The following BCAS3 variants were observed in gnomAD, a reference collection of about 807,000 sequenced individuals.
BCAS3 encodes BCAS4/BCAS3 fusion.
A neutral mutation model predicts 116.1 loss-of-function variants in BCAS3; 53 were observed. The ratio of observed to expected loss-of-function variants is 0.46; its 90% CI spans 0.37 to 0.57. The LOEUF is 0.57. Among genes scored for constraint, BCAS3 ranks in the 20% least tolerant of loss-of-function variants. The pLI is 0.00. For synonymous variants in BCAS3, 391 were observed against 408.2 expected, an observed-to-expected ratio of 0.96 and a Z score of 0.51; for missense variants, 917 against 1,165.4, an observed-to-expected ratio of 0.79 and a Z score of 3.10.
At chr17:60,710,508 T>C (rs963850479) in intron 5 of BCAS3, among the ~76,000 whole-genome samples, 1 of 150,948 alleles carries the variant, frequency 6.6e-6, no homozygotes, top group African/African-American at 2.4e-5. Flanking sequence ...CTCGGCTCAC[T>C]GCAAGCTCTG....
intron 10 of BCAS3, among the ~76,000 whole-genome samples, chr17:60,898,781 G>A (rs1386697080): frequency 6.6e-6 from 1 of 152,168 alleles, no homozygotes; most frequent in Non-Finnish European, 1.5e-5. Context: ...GGTGATAACG[G>A]TAGCAGTGGC....
Position 61,355,717 on chromosome 17 carries a change from G to A in BCAS3, c.2426-12610G>A, listed in dbSNP as rs1467207531. On this transcript the variant is annotated intron_variant, in intron 22 of 23. Coordinates refer to ENST00000407086, the MANE Select transcript of BCAS3 (RefSeq NM_017679.5). The surrounding 1 kb of genome is among the most constrained non-coding windows in gnomAD (Gnocchi z 4.2). The stretch of plus-strand genomic sequence containing the variant: ...AAGTAGCTATGCCTGATGCAAAGTG[G>A]ACACCCGACAAATGTTAGTTATCTT... Among the ~76,000 whole-genome samples the A allele has an allele frequency of 6.6e-6, 1 of 152,194 alleles. No homozygotes were observed. Among genetic ancestry groups the A allele is most frequent in the Non-Finnish European group, 1.5e-5 (1 of 68,034 alleles).
chr17:61,388,807 CCA>C lies in BCAS3; in HGVS notation c.2594-3162_2594-3161del. 8.9e-7 allele frequency: 1 copy of C among 1,122,170 alleles called. No homozygotes were observed. Among genetic ancestry groups the C allele is most frequent in the East Asian group, 2.6e-5 (1 of 38,556 alleles). The allele number at this position is 1,122,170 out of a possible 1,614,324, so 69.5% of individuals were successfully genotyped here. Reference sequence around the variant, plus strand: ...GAGCAGCCCTCCTCCCCTCCACTTCCCACACACACCCCTGCCTGCAGGGGGAG... The same window carrying C: ...GAGCAGCCCTCCTCCCCTCCACTTCCCACACACCCCTGCCTGCAGGGGGAG... On this transcript the variant is annotated intron_variant, in intron 23 of 23. Transcript: ENST00000407086. The surrounding 1 kb of genome is among the most constrained non-coding windows in gnomAD (Gnocchi z 6.5).
At position 61,186,320 on chromosome 17, in the gene BCAS3, C is replaced by T. The variant is rs1334556871; in HGVS notation, c.2425+101756C>T. On this transcript the variant is annotated intron_variant, in intron 22 of 23. Coordinates refer to ENST00000407086, the MANE Select transcript of BCAS3 (RefSeq NM_017679.5). The surrounding 1 kb of genome is among the most constrained non-coding windows in gnomAD (Gnocchi z 4.9). Reference sequence around the variant, plus strand: ...CTTTATTACAGTTAGTTATCCATCCCTATATCTTAGCTGTTTTCACTAGTA... The same window carrying T: ...CTTTATTACAGTTAGTTATCCATCCTTATATCTTAGCTGTTTTCACTAGTA... 2.0e-5 allele frequency among the ~76,000 whole-genome samples: 3 copies of T among 152,136 alleles called. No homozygotes were observed. The highest frequency in any genetic ancestry group is 7.2e-5 in the African/African-American group (3 of 41,440).
chr17:61,074,731 A>AT, intron 19 of BCAS3, among the ~76,000 whole-genome samples, 189 bp from the exon 20 acceptor site: 1 of 152,156 alleles, frequency 6.6e-6, no homozygotes, highest in Admixed American at 6.6e-5. Context: ...TTCTGTAGAT[A>AT]TTTTTTAAAG....
chr17:61,095,353 A>G lies in BCAS3; in HGVS notation c.2425+10789A>G, dbSNP rs2073899770. ...TATATAGAATGTAATTGATATTTCTACATAGAGGCTTTATCATTGTTTTTA... is the reference window on the plus strand; with the variant it reads ...TATATAGAATGTAATTGATATTTCTGCATAGAGGCTTTATCATTGTTTTTA... On this transcript the variant is annotated intron_variant, in intron 22 of 23. Transcript: ENST00000407086. This position sits in a 1 kb window ranked among gnomAD's most constrained non-coding sequence, Gnocchi z 4.7. Among the ~76,000 whole-genome samples the G allele has an allele frequency of 6.6e-6, 1 of 152,236 alleles. No individual in the cohort carries two copies. Among genetic ancestry groups the G allele is most frequent in the African/African-American group, 2.4e-5 (1 of 41,458 alleles).
intron 22 of BCAS3, among the ~76,000 whole-genome samples, chr17:61,110,554 C>T (rs1268600883): frequency 6.6e-6 from 1 of 152,240 alleles, no homozygotes; most frequent in Non-Finnish European, 1.5e-5. Context: ...AAACGGCGCA[C>T]CACGAGATTA....
At chr17:61,117,103 C>A (rs566871300) in intron 22 of BCAS3, among the ~76,000 whole-genome samples, 6 of 152,262 alleles carry the variant, frequency 3.9e-5, no homozygotes, top group South Asian at 2.1e-4. Context: ...TTTCTCCACT[C>A]CTTTCGGGCT....
intron 15 of BCAS3, among the ~76,000 whole-genome samples, chr17:61,009,980 T>G (rs1011061870): frequency 3.3e-5 from 5 of 152,080 alleles, no homozygotes; most frequent in Admixed American, 2.0e-4. Context: ...TTATTTTCCT[T>G]GTAGCATCTG....
chr17:61,153,885 A>G (rs9284368), intron 22 of BCAS3, among the ~76,000 whole-genome samples: 130,632 of 152,170 alleles, frequency 0.86, 59,622 homozygotes, highest in East Asian at 1. Flanking sequence ...TTTCCAAACG[A>G]ATTAACAACC....
At position 61,034,629 on chromosome 17, in the gene BCAS3, A is replaced by G; in HGVS notation, c.1638-37A>G. ...TTACCTAAAGGAGTATCATTTCATC[A>G]TGATAATTGTTTTTTACTCTTATTT... On this transcript the variant is annotated intron_variant, in intron 16 of 23. Transcript: ENST00000407086. This position sits in a 1 kb window ranked among gnomAD's most constrained non-coding sequence, Gnocchi z 5.0. 1.9e-6 allele frequency: 3 copies of G among 1,553,038 alleles called. No homozygotes were observed. Among genetic ancestry groups the G allele is most frequent in the Non-Finnish European group, 2.6e-6 (3 of 1,134,312 alleles).
In BCAS3 at chr17:61,032,900, G is replaced by A. The variant is rs1483162586; in HGVS notation, c.1638-1766G>A. On this transcript the variant is annotated intron_variant, in intron 16 of 23. Transcript: ENST00000407086. The surrounding 1 kb of genome is among the most constrained non-coding windows in gnomAD (Gnocchi z 4.6). ...GCAGAAGAGGTTTCTTTCATATATA[G>A]TAATATGCATTACCATGGATTTTGT... Among the ~76,000 whole-genome samples the A allele has an allele frequency of 6.6e-6, 1 of 152,152 alleles. No homozygotes were observed. Among genetic ancestry groups the A allele is most frequent in the Non-Finnish European group, 1.5e-5 (1 of 68,008 alleles).
chr17:60,895,385 T>C (rs1235215912), intron 10 of BCAS3, among the ~76,000 whole-genome samples: 1 of 152,214 alleles, frequency 6.6e-6, no homozygotes, highest in African/African-American at 2.4e-5. Context: ...ATTGTATTTC[T>C]GTGGTATCAG....
intron 22 of BCAS3, among the ~76,000 whole-genome samples, chr17:61,138,429 A>G (rs951347472): frequency 3.3e-5 from 5 of 152,332 alleles, no homozygotes; most frequent in South Asian, 4.1e-4. Flanking sequence ...GTGCAGATTC[A>G]GAGATTACTG....
rs1397682241 is a variant in BCAS3, at chr17:60,990,278, C to G, written c.1486+43C>G. On this transcript the variant is annotated intron_variant, in intron 15 of 23. Coordinates refer to ENST00000407086, the MANE Select transcript of BCAS3 (RefSeq NM_017679.5). This position sits in a 1 kb window ranked among gnomAD's most constrained non-coding sequence, Gnocchi z 5.1. ...CACTGTTATCTTGAATCTTCCTTCC[C>G]TTTGTCCTTATTTTTACAGATCTGG... 1 of 1,590,292 alleles carries G rather than the reference C, an allele frequency of 6.3e-7. No homozygotes were observed. The highest frequency in any genetic ancestry group is 1.7e-5 in the Admixed American group (1 of 58,612).
At chr17:61,038,140 G>A in intron 18 of BCAS3, 86 bp downstream of exon 18, 6 of 1,211,274 alleles carry the variant, frequency 5.0e-6, no homozygotes, top group Non-Finnish European at 1.1e-6. Flanking sequence ...GTTTTGACAT[G>A]CATACAGCTA....
At chr17:60,820,163 C>G (rs1294629615) in intron 7 of BCAS3, among the ~76,000 whole-genome samples, 1 of 151,818 alleles carries the variant, frequency 6.6e-6, no homozygotes. Context: ...CTCTGCCTCC[C>G]GGGTTCATGC....
chr17:60,706,558 T>A (rs2037163070), intron 4 of BCAS3, among the ~76,000 whole-genome samples: 1 of 152,172 alleles, frequency 6.6e-6, no homozygotes. Flanking sequence ...TGGTGGCTCA[T>A]GCCTTTATTC....
At chr17:60,784,297 ATTTT>A (rs777660468) in intron 6 of BCAS3, among the ~76,000 whole-genome samples, 1 of 114,836 alleles carries the variant, frequency 8.7e-6, no homozygotes. Context: ...AATGAAACAA[ATTTT>A]TTTTTTTTTT....
Sources: gnomAD v4.1 joint callset for allele counts (sites outside exome capture counted in the v4.1 genomes callset) on GRCh38, gnomAD v4.1.1 for gene constraint, Gnocchi (gnomAD v3.1) non-coding constraint, MANE v1.5 for transcripts, NCBI Gene and HGNC (gene_info 2026-07-23, HGNC 2026-07-21) for gene names.